NIPSNAP2: variants seen among roughly 807,000 people sequenced by gnomAD.
NIPSNAP2 encodes nipsnap homolog 2.
A neutral mutation model predicts 48.4 loss-of-function variants in NIPSNAP2; 42 were observed. That is an observed-to-expected ratio of 0.87 (90% CI 0.68 to 1.12). The LOEUF (loss-of-function observed/expected upper bound fraction) is 1.12, where lower values mean the gene tolerates loss of function less well. Among genes scored for constraint, NIPSNAP2 ranks in the 50% most tolerant of loss-of-function variants. The probability of loss-of-function intolerance (pLI) is 0.00; values close to 1 mark genes in which losing one functional copy is unlikely to be tolerated. For synonymous variants in NIPSNAP2, 158 were observed against 126.6 expected, an observed-to-expected ratio of 1.25 and a Z score of -1.67; for missense variants, 314 against 347.3, an observed-to-expected ratio of 0.90 and a Z score of 0.76.
intron 1 of NIPSNAP2, among the ~76,000 whole-genome samples, chr7:55,967,015 C>G (rs1459153429): frequency 6.6e-6 from 1 of 152,236 alleles, no homozygotes; most frequent in East Asian, 1.9e-4. Flanking sequence ...TTTGCTGAAT[C>G]AGTTTCAGCA....
At chr7:55,975,691 A>G (rs143922061) in intron 1 of NIPSNAP2, among the ~76,000 whole-genome samples, 226 of 152,270 alleles carry the variant, frequency 1.5e-3, no homozygotes, top group African/African-American at 4.6e-3. Flanking sequence ...ATAGATGTGA[A>G]AAACCAAGAA....
intron 9 of NIPSNAP2, among the ~76,000 whole-genome samples, chr7:55,998,493 G>GGT (rs1554344770): frequency 1.6e-5 from 1 of 63,188 alleles, no homozygotes; most frequent in Non-Finnish European, 3.0e-5. Context: ...GGTAGGATCT[G>GGT]TTTTTTTTTT....
In NIPSNAP2 at chr7:55,981,515, T is replaced by A; in HGVS notation, c.321T>A (p.Pro107=). The A allele has an allele frequency of 6.2e-7, 1 of 1,613,918 alleles. No individual in the cohort carries two copies. Among genetic ancestry groups the A allele is most frequent in the Non-Finnish European group, 8.5e-7 (1 of 1,179,906 alleles). The change falls in exon 4 of 10, where the codon CCT becomes CCA. Residue 107 remains proline, a synonymous_variant. Transcript: ENST00000322090. ...AGATTCACGAAGATAAACACTACCC[T>A]TGTACTTTGGTGGGGACTTGGAACA... ...LPKIHEDKHY[P]CTLVGTWNTW...
At chr7:55,976,039 AGTGT>A (rs60119988) in intron 1 of NIPSNAP2, among the ~76,000 whole-genome samples, 21,346 of 150,250 alleles carry the variant, frequency 0.14, 1,643 homozygotes, top group East Asian at 0.2. Flanking sequence ...CTCTCAAAAA[AGTGT>A]GTGTGTGTGT....
At chr7:55,980,462 G>A (rs1278778505) in intron 3 of NIPSNAP2, 2 of 152,282 alleles carry the variant, frequency 1.3e-5, no homozygotes, top group African/African-American at 2.4e-5. Flanking sequence ...AAATATCAGA[G>A]TCAGCAAATA....
chr7:55,983,798 T>C lies in NIPSNAP2; in HGVS notation c.515T>C (p.Phe172Ser), dbSNP rs1452320212. ...AGGAAGAATCAGCTCCTGTTGGAGT[T>C]CAGTTTCTGGAATGAGCCTGTGCCA... is the stretch of plus-strand genomic sequence containing the variant. ...LSRKNQLLLE[F>S]SFWNEPVPRS... Residue 172 changes from phenylalanine to serine, a missense_variant, in exon 6 of 10, where the codon TTC (phenylalanine) becomes TCC (serine). Around this residue, in one of 2 missense-constraint regions of NIPSNAP2, gnomAD observed 116 missense variants for 161.8 expected, o/e 0.72. Transcript: ENST00000322090. 6.2e-7 allele frequency: 1 copy of C among 1,614,100 alleles called. No homozygotes were observed. Among genetic ancestry groups the C allele is most frequent in the South Asian group, 1.1e-5 (1 of 91,086 alleles).
At chr7:55,978,949 G>GA (rs1314257320) in intron 3 of NIPSNAP2, 1 of 152,556 alleles carries the variant, frequency 6.6e-6, no homozygotes, top group Non-Finnish European at 1.5e-5. Flanking sequence ...TAAACTTTAA[G>GA]ACGAAAGGGG....
In NIPSNAP2 at chr7:55,999,042, G is replaced by A. The variant is rs1228925169; in HGVS notation, c.831G>A (p.Met277Ile). Residue 277 changes from methionine (M) to isoleucine (I), a missense_variant, in exon 10 of 10, where the codon ATG becomes ATA. Physicochemically the swap from Met to Ile is conservative, Grantham distance 10. This residue lies in a region of NIPSNAP2 where 116 missense variants were observed against 161.8 expected (regional missense o/e 0.72). Transcript: ENST00000322090. ...PLIQEMESRI[M>I]IPLKTSPLQ ...TTCAGGAAATGGAATCCAGAATCATGATCCCACTGAAGACCTCGCCCCTCC... is the reference window on the plus strand; with the variant it reads ...TTCAGGAAATGGAATCCAGAATCATAATCCCACTGAAGACCTCGCCCCTCC... The A allele has an allele frequency of 1.2e-6, 2 of 1,614,046 alleles. No individual in the cohort carries two copies. Among genetic ancestry groups the A allele is most frequent in the Non-Finnish European group, 8.5e-7 (1 of 1,179,948 alleles).
At chr7:55,990,422 G>A (rs1250128283) in intron 7 of NIPSNAP2, among the ~76,000 whole-genome samples, 3 of 151,910 alleles carry the variant, frequency 2.0e-5, no homozygotes, top group Non-Finnish European at 4.4e-5. Context: ...TAGTAGAGAC[G>A]GGGTTTCACT....
intron 7 of NIPSNAP2, among the ~76,000 whole-genome samples, chr7:55,986,997 A>AC (rs1281661015): frequency 6.7e-6 from 1 of 148,924 alleles, no homozygotes; most frequent in Non-Finnish European, 1.5e-5. Context: ...AAAAAAAAAA[A>AC]AAAAAAAAAA....
At chr7:55,993,575 TA>T (rs11317055) in intron 7 of NIPSNAP2, among the ~76,000 whole-genome samples, 83,351 of 120,882 alleles carry the variant, frequency 0.69, 28,060 homozygotes, top group Non-Finnish European at 0.76. Context: ...AGACTCCATC[TA>T]AAAAAAAAAA....
rs1554344167 is a variant in NIPSNAP2 at position 55,991,765 on chromosome 7, A to AATATATAT, written c.618-3119_618-3112dup. The stretch of plus-strand genomic sequence containing the variant: ...CTCTGTCTCAAAAAAAAAAAAAAAA[A>AATATATAT]ATATATATATATATATAATTTATAA... On this transcript the variant is annotated intron_variant, in intron 7 of 9. Coordinates refer to ENST00000322090, the MANE Select transcript of NIPSNAP2 (RefSeq NM_001483.3). 1.9e-3 allele frequency: 281 copies of AATATATAT among 149,988 alleles called. 2 individuals are homozygous for AATATATAT. The highest frequency in any genetic ancestry group is 8.4e-3 in the South Asian group (52 of 6,186). The allele number at this position is 149,988 out of a possible 1,614,324, so 9.3% of individuals were successfully genotyped here. A position where few individuals can be genotyped will look rare whatever the true frequency, so the allele number is the denominator to read the frequency against.
intron 1 of NIPSNAP2, among the ~76,000 whole-genome samples, chr7:55,977,858 A>G (rs553905858): frequency 1.3e-5 from 2 of 152,014 alleles, no homozygotes; most frequent in Non-Finnish European, 2.9e-5. Context: ...ATCCATGTAT[A>G]TTTTTTCTGT....
intron 1 of NIPSNAP2, among the ~76,000 whole-genome samples, chr7:55,965,448 A>C (rs11238386): frequency 0.35 from 53,049 of 151,832 alleles, 9,204 homozygotes; most frequent in South Asian, 0.38. Context: ...GCCTATCCTG[A>C]CTTACCCAGA....
chr7:55,980,965 G>A, intron 3 of NIPSNAP2: 1 of 152,430 alleles, frequency 6.6e-6, no homozygotes. Flanking sequence ...CTTCCTGAAG[G>A]CCAGCTTGTT....
At chr7:55,993,815 T>C (rs371724993) in intron 7 of NIPSNAP2, among the ~76,000 whole-genome samples, 100 of 152,174 alleles carry the variant, frequency 6.6e-4, no homozygotes, top group African/African-American at 2.3e-3. Flanking sequence ...TTTTAACTGA[T>C]CATAGTGTGA....
chr7:55,992,441 G>A (rs1374314016), intron 7 of NIPSNAP2, among the ~76,000 whole-genome samples: 1 of 152,182 alleles, frequency 6.6e-6, no homozygotes, highest in African/African-American at 2.4e-5. Flanking sequence ...AGTCAGCTAA[G>A]ATCATGCCAC....
intron 3 of NIPSNAP2, chr7:55,980,107 A>T (rs768305272): frequency 8.5e-5 from 18 of 212,076 alleles, no homozygotes; most frequent in Non-Finnish European, 1.2e-4. Context: ...GAAATGTTGG[A>T]CATACATTTC....
In NIPSNAP2 at chr7:55,982,515, A is replaced by G. The variant is rs1412481507; in HGVS notation, c.444+235A>G. 2.6e-5 allele frequency among the ~76,000 whole-genome samples: 4 copies of G among 152,060 alleles called. No individual in the cohort carries two copies. The East Asian group carries it at 5.8e-4, about 22-fold the overall frequency. On this transcript the variant is annotated intron_variant, in intron 5 of 9. Coordinates refer to ENST00000322090, the MANE Select transcript of NIPSNAP2 (RefSeq NM_001483.3). ...TGTAATCCCAGCACTTTGGGAGGCC[A>G]AGGCAGGCGGATCACAAGGTCAGGA... is the stretch of plus-strand genomic sequence containing the variant.
Sources: gnomAD v4.1 joint callset for allele counts (sites outside exome capture counted in the v4.1 genomes callset) on GRCh38, gnomAD v4.1.1 for gene constraint, gnomAD v4.1.1 regional missense constraint, MANE v1.5 for transcripts, NCBI Gene and HGNC (gene_info 2026-07-23, HGNC 2026-07-21) for gene names.